RAPGEF6: variants seen among roughly 807,000 people sequenced by gnomAD.
RAPGEF6 encodes the protein Rap guanine nucleotide exchange factor 6.
RAPGEF6 carries 56 observed loss-of-function variants against 171.4 expected under a neutral mutation model. That is an observed-to-expected ratio of 0.33 (90% CI 0.26 to 0.41). The LOEUF (loss-of-function observed/expected upper bound fraction) is 0.41. Ranked by LOEUF, RAPGEF6 falls within the 10% of genes least tolerant of loss-of-function variation. The pLI is 1.00. For synonymous variants in RAPGEF6, 692 were observed against 650.1 expected (o/e 1.06, Z -0.98); for missense variants, 1,674 against 1,921.4 (o/e 0.87, Z 2.41).
At position 131,600,994 on chromosome 5, in the gene RAPGEF6, T is replaced by G. The variant is rs80299796; in HGVS notation, c.197+2277A>C. Among the ~76,000 whole-genome samples the G allele has an allele frequency of 5.0e-4, 75 of 151,242 alleles. No individual in the cohort carries two copies. The East Asian group carries it at 0.014, about 28-fold the overall frequency. ...AAAAAGAGCTGGGTGTAGTGGCGTA[T>G]GCCTGTAATCCTCGGGAGTCTGAAG... On this transcript the variant is annotated intron_variant, in intron 3 of 27. Transcript: ENST00000509018.
rs6596028 is a variant in RAPGEF6, at chr5:131,555,686, C to G, written c.351+6292G>C. Among the ~76,000 whole-genome samples the G allele has an allele frequency of 5.3e-3, 811 of 151,944 alleles. 15 individuals are homozygous for G. Among genetic ancestry groups the G allele is most frequent in the African/African-American group, 0.019 (786 of 41,468 alleles). On this transcript the variant is annotated intron_variant, in intron 5 of 27. Coordinates refer to ENST00000509018, the MANE Select transcript of RAPGEF6 (RefSeq NM_016340.6). ...TAAATTAACAAAATCAACATTACCA[C>G]TAACATCCTGGTTACATCATCTTGG...
rs947516470 is a variant in RAPGEF6 at position 131,425,167 on chromosome 5, C to T, written c.*2099G>A. 6.6e-6 allele frequency: 1 copy of T among 152,280 alleles called. No homozygotes were observed. The highest frequency in any genetic ancestry group is 6.5e-5 in the Admixed American group (1 of 15,282). The allele number at this position is 152,280 out of a possible 1,614,324, so 9.4% of individuals were successfully genotyped here. On this transcript the variant is annotated 3_prime_UTR_variant, in exon 28 of 28. Coordinates refer to ENST00000509018, the MANE Select transcript of RAPGEF6 (RefSeq NM_016340.6). ...GCAGCTGTAAGGTGCAAGTCCAAAA[C>T]CATAGGCCTCAACACTCTGTGCAAG...
At chr5:131,512,502 TA>T (rs1757804725) in intron 7 of RAPGEF6, among the ~76,000 whole-genome samples, 1 of 152,070 alleles carries the variant, frequency 6.6e-6, no homozygotes, top group Admixed American at 6.6e-5. Context: ...TGGCTTTTGT[TA>T]ATTCAAGTTA....
intron 18 of RAPGEF6, chr5:131,463,609 CA>C (rs1232178953): frequency 5.4e-5 from 31 of 571,142 alleles, no homozygotes; most frequent in Non-Finnish European, 6.8e-5. Context: ...GAGTAAGGAA[CA>C]AATGTACTAC....
At chr5:131,506,703 T>C (rs1757392843) in intron 9 of RAPGEF6, among the ~76,000 whole-genome samples, 3 of 152,268 alleles carry the variant, frequency 2.0e-5, no homozygotes, top group African/African-American at 7.2e-5. Flanking sequence ...TTCACCACTA[T>C]ATCCCCGTAT....
intron 4 of RAPGEF6, among the ~76,000 whole-genome samples, chr5:131,575,650 C>T (rs1762561130): frequency 6.6e-6 from 1 of 152,178 alleles, no homozygotes; most frequent in Admixed American, 6.5e-5. Context: ...ACCTGACTGA[C>T]CCCACAGACC....
chr5:131,595,408 C>T (rs1202852702), intron 3 of RAPGEF6, among the ~76,000 whole-genome samples: 1 of 152,188 alleles, frequency 6.6e-6, no homozygotes, highest in Non-Finnish European at 1.5e-5. Context: ...GTAAATTAAA[C>T]CTCTTTTCTT....
At chr5:131,625,764 C>A (rs533971745) in intron 1 of RAPGEF6, among the ~76,000 whole-genome samples, 1 of 148,548 alleles carries the variant, frequency 6.7e-6, no homozygotes, top group Admixed American at 6.9e-5. Flanking sequence ...TGCAGTCAGC[C>A]GAGATAGCGC....
At chr5:131,526,508 T>C (rs1758877603) in intron 6 of RAPGEF6, among the ~76,000 whole-genome samples, 1 of 152,190 alleles carries the variant, frequency 6.6e-6, no homozygotes, top group Non-Finnish European at 1.5e-5. Flanking sequence ...TACTAAGTTG[T>C]TTCCTGATAC....
At chr5:131,469,780 T>A (rs749984507) in intron 17 of RAPGEF6, 46 of 1,483,436 alleles carry the variant, frequency 3.1e-5, no homozygotes, top group Admixed American at 2.5e-4. Flanking sequence ...AATAGAATAC[T>A]ACAGTCTTTA....
At chr5:131,625,831 T>C (rs1172775217) in intron 1 of RAPGEF6, among the ~76,000 whole-genome samples, 1 of 148,420 alleles carries the variant, frequency 6.7e-6, no homozygotes. Context: ...AAAAAAACCA[T>C]ACTTCTTGGT....
chr5:131,544,872 G>A (rs528117248), intron 6 of RAPGEF6, among the ~76,000 whole-genome samples: 10 of 152,122 alleles, frequency 6.6e-5, no homozygotes, highest in East Asian at 1.9e-4. Flanking sequence ...CAGGAGAGAC[G>A]GGGTTTCACC....
intron 3 of RAPGEF6, among the ~76,000 whole-genome samples, chr5:131,596,968 G>A (rs1302902165): frequency 6.6e-6 from 1 of 151,990 alleles, no homozygotes; most frequent in Admixed American, 6.6e-5. Flanking sequence ...ACAGAAATAG[G>A]AGAGAATTGC....
intron 17 of RAPGEF6, among the ~76,000 whole-genome samples, chr5:131,467,166 A>T (rs1011954794): frequency 6.6e-6 from 1 of 152,238 alleles, no homozygotes; most frequent in African/African-American, 2.4e-5. Flanking sequence ...CTTGCTGCCA[A>T]TATACTGTAA....
At chr5:131,597,480 G>C (rs968530064) in intron 3 of RAPGEF6, among the ~76,000 whole-genome samples, 2 of 152,046 alleles carry the variant, frequency 1.3e-5, no homozygotes, top group Non-Finnish European at 2.9e-5. Context: ...AACAGATAAA[G>C]AAAATGGGGT....
chr5:131,441,532 T>C (rs1752384248), intron 23 of RAPGEF6, among the ~76,000 whole-genome samples: 2 of 152,340 alleles, frequency 1.3e-5, no homozygotes, highest in Admixed American at 1.3e-4. Context: ...AGCCTTCTTC[T>C]GAAGCCCTAT....
At chr5:131,513,161 C>T (rs993983707) in intron 7 of RAPGEF6, among the ~76,000 whole-genome samples, 3 of 151,986 alleles carry the variant, frequency 2.0e-5, no homozygotes, top group Admixed American at 2.0e-4. Flanking sequence ...GGTTATAATC[C>T]TTTTTTAAAG....
chr5:131,586,386 C>T (rs1325214409), intron 4 of RAPGEF6, among the ~76,000 whole-genome samples: 1 of 152,232 alleles, frequency 6.6e-6, no homozygotes, highest in Non-Finnish European at 1.5e-5. Flanking sequence ...GGTATGGAGG[C>T]TCAAGCCTCT....
intron 4 of RAPGEF6, among the ~76,000 whole-genome samples, chr5:131,585,185 G>A (rs775626143): frequency 1.3e-5 from 2 of 151,418 alleles, no homozygotes; most frequent in Non-Finnish European, 2.9e-5. Context: ...TATGGAAAAC[G>A]ACGCAACATT....
Sources: allele counts gnomAD v4.1 joint callset (sites outside exome capture counted in the v4.1 genomes callset), GRCh38; gene constraint gnomAD v4.1.1; transcripts MANE v1.5; gene names NCBI Gene and HGNC (gene_info 2026-07-23, HGNC 2026-07-21).